Variants in SLC9A4 observed in about 807,000 individuals in gnomAD.
The protein encoded by SLC9A4 is sodium/hydrogen exchanger 4.
SLC9A4 carries 63 observed loss-of-function variants against 67.4 expected under a neutral mutation model. The observed-to-expected ratio is 0.93, with a 90% confidence interval of 0.76 to 1.15. The LOEUF is 1.15. SLC9A4 is among the 50% of genes most tolerant of loss of function. SLC9A4 has a pLI of 0.00. For synonymous variants in SLC9A4, 393 were observed against 367.2 expected (o/e 1.07, Z -0.80); for missense variants, 1,089 against 987.7 (o/e 1.10, Z -1.38).
intron 10 of SLC9A4, 112 bp downstream of exon 10, chr2:102,525,267 C>A (rs748569921): frequency 1.1e-5 from 16 of 1,484,044 alleles, no homozygotes; most frequent in Non-Finnish European, 1.5e-5. Context: ...CTTAAACAAA[C>A]AAAACCCCAC....
intron 2 of SLC9A4, among the ~76,000 whole-genome samples, chr2:102,480,042 T>A (rs796348702): frequency 3.9e-5 from 6 of 152,344 alleles, no homozygotes; most frequent in African/African-American, 1.4e-4. Flanking sequence ...CTTTTATACA[T>A]ACTTTCATAT....
At chr2:102,484,976 T>C (rs566029818) in intron 2 of SLC9A4, among the ~76,000 whole-genome samples, 2 of 152,316 alleles carry the variant, frequency 1.3e-5, no homozygotes, top group African/African-American at 4.8e-5. Flanking sequence ...GAAGTGGAGC[T>C]AAATGTTCTG....
chr2:102,515,152 T>C (rs1247875860), intron 8 of SLC9A4, among the ~76,000 whole-genome samples: 1 of 152,100 alleles, frequency 6.6e-6, no homozygotes, highest in Admixed American at 6.5e-5. Flanking sequence ...TCCATCCTGT[T>C]GTCTTCAGCA....
In SLC9A4 at chr2:102,501,215, G is replaced by A. The variant is rs545142089; in HGVS notation, c.721-2233G>A. 5.9e-5 allele frequency among the ~76,000 whole-genome samples: 9 copies of A among 151,962 alleles called. No individual in the cohort carries two copies. In the South Asian group the frequency reaches 1.2e-3, roughly 21 times the overall value. ...CAGCTTACTGCAACCTCCACTTCCC[G>A]GGTTCGAGCAATTCTCCTGCCTCAG... On this transcript the variant is annotated intron_variant, in intron 2 of 11. Coordinates refer to ENST00000295269, the MANE Select transcript of SLC9A4 (RefSeq NM_001011552.4).
At chr2:102,483,799 C>A in intron 2 of SLC9A4, among the ~76,000 whole-genome samples, 1 of 114,294 alleles carries the variant, frequency 8.7e-6, no homozygotes, top group South Asian at 3.4e-4. Context: ...CCATGTACAG[C>A]ATATATATAT....
rs1435300742 is a variant in SLC9A4 at position 102,473,836 on chromosome 2, C to T, written c.77C>T (p.Ala26Val). The T allele has an allele frequency of 5.0e-6, 8 of 1,614,100 alleles. No homozygotes were observed. Among genetic ancestry groups the T allele is most frequent in the Non-Finnish European group, 6.8e-6 (8 of 1,179,958 alleles). ...CTAGTGGCTCTTGAGTGTTCTGAAG[C>T]ATCTTCTGATTTGAATGAATCTGCA... Reference protein sequence around the residue: ...LLLVALECSEASSDLNESANS... With the variant: ...LLLVALECSEVSSDLNESANS... The change falls in exon 1 of 12, where the codon GCA becomes GTA. Residue 26 changes from alanine (A) to valine (V), a missense_variant. Ala to Val is a moderately conservative substitution (Grantham distance 64, BLOSUM62 0). Transcript: ENST00000295269.
At chr2:102,524,398 A>C (rs931260940) in intron 9 of SLC9A4, among the ~76,000 whole-genome samples, 1 of 152,226 alleles carries the variant, frequency 6.6e-6, no homozygotes, top group Admixed American at 6.5e-5. Flanking sequence ...GTCCATGACA[A>C]GTTTCCACTG....
At position 102,508,879 on chromosome 2, in the gene SLC9A4, G is replaced by A. The variant is rs1685101970; in HGVS notation, c.1434G>A (p.Leu478=). 5.6e-6 allele frequency: 9 copies of A among 1,612,686 alleles called. No individual in the cohort carries two copies. In the East Asian group the frequency reaches 2.0e-4, roughly 36 times the overall value. Reference sequence around the variant, plus strand: ...CAGTTGGCCCTCTGGTCAGGTACCTGGATGTTAAAAAAACCAATAAAAAAG... The same window carrying A: ...CAGTTGGCCCTCTGGTCAGGTACCTAGATGTTAAAAAAACCAATAAAAAAG... The part of the protein sequence containing the change: ...GITVGPLVRY[L]DVKKTNKKES... The change falls in exon 6 of 12, where the codon CTG becomes CTA. Residue 478 remains leucine, a synonymous_variant. Coordinates refer to ENST00000295269, the MANE Select transcript of SLC9A4 (RefSeq NM_001011552.4).
At chr2:102,485,063 G>A (rs1684557606) in intron 2 of SLC9A4, among the ~76,000 whole-genome samples, 1 of 152,258 alleles carries the variant, frequency 6.6e-6, no homozygotes, top group East Asian at 1.9e-4. Flanking sequence ...TAATGAGGTG[G>A]TGATAGTACA....
At chr2:102,506,492 T>G (rs762164700) in intron 4 of SLC9A4, among the ~76,000 whole-genome samples, 18 of 152,218 alleles carry the variant, frequency 1.2e-4, no homozygotes, top group Non-Finnish European at 2.4e-4. Context: ...TGAATATATA[T>G]GTTTGTTGGG....
At chr2:102,506,714 G>C (rs1220876449) in intron 4 of SLC9A4, among the ~76,000 whole-genome samples, 1 of 152,124 alleles carries the variant, frequency 6.6e-6, no homozygotes, top group Non-Finnish European at 1.5e-5. Context: ...CAGGGGAGTA[G>C]AGCTAATGCC....
intron 6 of SLC9A4, among the ~76,000 whole-genome samples, 157 bp from the exon 7 acceptor site, chr2:102,512,046 G>A (rs1685173098): frequency 6.6e-6 from 1 of 152,150 alleles, no homozygotes; most frequent in South Asian, 2.1e-4. Context: ...TACTATGAAA[G>A]GCACCAAATA....
intron 6 of SLC9A4, among the ~76,000 whole-genome samples, chr2:102,510,194 TATAG>T (rs1685132565): frequency 7.3e-6 from 1 of 137,750 alleles, no homozygotes; most frequent in South Asian, 2.3e-4. Context: ...TGGATATAGA[TATAG>T]ATAGATATAG....
rs1400972947 is a variant in SLC9A4, at chr2:102,473,900, T to C, written c.141T>C (p.Ala47=). 1 of 1,614,148 alleles carries C rather than the reference T, an allele frequency of 6.2e-7. No individual in the cohort carries two copies. Among genetic ancestry groups the C allele is most frequent in the East Asian group, 2.2e-5 (1 of 44,882 alleles). ...AGTATGCATCTAACGCTTGGTTTGC[T>C]GCTGCCAGCTCAGAGCCAGAGGAAG... ...TAQYASNAWF[A]AASSEPEEGI... Residue 47 remains alanine (A), a synonymous_variant, in exon 1 of 12, where the codon GCT becomes GCC. Transcript: ENST00000295269.
At chr2:102,486,263 T>C (rs1344079046) in intron 2 of SLC9A4, among the ~76,000 whole-genome samples, 1 of 152,134 alleles carries the variant, frequency 6.6e-6, no homozygotes, top group African/African-American at 2.4e-5. Flanking sequence ...AATATGGAGA[T>C]ATGGTTGATG....
In SLC9A4 at chr2:102,483,690, AC is replaced by A. The variant is rs1245031063; in HGVS notation, c.720+4391del. On this transcript the variant is annotated intron_variant, in intron 2 of 11. Transcript: ENST00000295269. ...TGGTAGGCAAAAGGAGGGAGACAAA[AC>A]CCAGATAGCTTTAGTGTCCTCACCC... 2.0e-5 allele frequency among the ~76,000 whole-genome samples: 3 copies of A among 149,956 alleles called. No individual in the cohort carries two copies. The East Asian group carries it at 5.9e-4, about 29-fold the overall frequency.
At chr2:102,524,297 G>A (rs1179410097) in intron 9 of SLC9A4, among the ~76,000 whole-genome samples, 4 of 152,194 alleles carry the variant, frequency 2.6e-5, no homozygotes, top group Non-Finnish European at 5.9e-5. Flanking sequence ...GCATTTGCTG[G>A]TGGACCTTTA....
chr2:102,508,037 G>C (rs376333352), intron 4 of SLC9A4, 42 bp from the exon 5 acceptor site: 1 of 1,592,618 alleles, frequency 6.3e-7, no homozygotes, highest in Non-Finnish European at 8.6e-7. Context: ...ATCTCTGCTC[G>C]TTCATGATCC....
intron 2 of SLC9A4, among the ~76,000 whole-genome samples, chr2:102,490,811 C>A (rs960760658): frequency 4.6e-5 from 7 of 152,164 alleles, no homozygotes; most frequent in African/African-American, 1.7e-4. Flanking sequence ...CTCTCCAAAC[C>A]TAAATAGCCA....
Sources: gnomAD v4.1 joint callset for allele counts (sites outside exome capture counted in the v4.1 genomes callset) on GRCh38, gnomAD v4.1.1 for gene constraint, MANE v1.5 for transcripts, NCBI Gene and HGNC (gene_info 2026-07-23, HGNC 2026-07-21) for gene names.